Variants in DAPK1 observed in about 807,000 individuals in gnomAD.
DAPK1 encodes death associated protein kinase 1.
Under a neutral mutation model 144.9 loss-of-function variants are expected in DAPK1, and 56 were observed. That is an observed-to-expected ratio of 0.39 (90% confidence interval 0.31 to 0.48). The LOEUF is 0.48. Among genes scored for constraint, DAPK1 ranks in the 20% least tolerant of loss-of-function variants. The pLI is 0.95. For missense variants in DAPK1, 1,454 were observed against 1,875.4 expected (o/e 0.78, Z 4.15); for synonymous variants, 690 against 749.0 (o/e 0.92, Z 1.29).
chr9:87,678,037 A>G (rs1364692805), intron 19 of DAPK1, among the ~76,000 whole-genome samples: 1 of 152,140 alleles, frequency 6.6e-6, no homozygotes, highest in African/African-American at 2.4e-5. Flanking sequence ...GGACATTGCT[A>G]TCAAGACCCC....
intron 2 of DAPK1, among the ~76,000 whole-genome samples, chr9:87,589,312 C>T (rs1194597402): frequency 6.6e-6 from 1 of 152,068 alleles, no homozygotes; most frequent in African/African-American, 2.4e-5. Flanking sequence ...GTCTAACTTC[C>T]CTCACCACCT....
intron 4 of DAPK1, 127 bp from the exon 5 acceptor site, chr9:87,639,227 C>T: frequency 1.1e-6 from 1 of 871,834 alleles, no homozygotes; most frequent in Non-Finnish European, 1.7e-6. Flanking sequence ...CTGCTGTTCT[C>T]TTCCAACCAC....
intron 3 of DAPK1, among the ~76,000 whole-genome samples, chr9:87,623,539 G>A (rs1467509879): frequency 2.6e-5 from 4 of 152,062 alleles, no homozygotes; most frequent in East Asian, 3.9e-4. Context: ...GCGACAGTCC[G>A]TCCCCATCAT....
intron 2 of DAPK1, among the ~76,000 whole-genome samples, chr9:87,534,844 C>T (rs1040596837): frequency 6.6e-6 from 1 of 152,020 alleles, no homozygotes; most frequent in African/African-American, 2.4e-5. Context: ...GGGGTTTTGC[C>T]ATGTTGGCCA....
At chr9:87,502,451 C>T (rs564364760) in intron 2 of DAPK1, among the ~76,000 whole-genome samples, 1 of 152,240 alleles carries the variant, frequency 6.6e-6, no homozygotes, top group African/African-American at 2.4e-5. Flanking sequence ...TGTTTTAATG[C>T]CCCAGGATGC....
chr9:87,614,627 G>A (rs17480679), intron 3 of DAPK1, among the ~76,000 whole-genome samples: 4,730 of 152,238 alleles, frequency 0.031, 106 homozygotes, highest in Non-Finnish European at 0.051. Flanking sequence ...CACATCAAGC[G>A]GGTGTAATGG....
At chr9:87,660,227 G>A (rs537705027) in intron 18 of DAPK1, among the ~76,000 whole-genome samples, 16 of 152,100 alleles carry the variant, frequency 1.1e-4, no homozygotes, top group South Asian at 2.1e-4. Context: ...TGGTGGGCCC[G>A]GCCTTCCCCG....
At chr9:87,638,963 G>A (rs1829993781) in intron 4 of DAPK1, among the ~76,000 whole-genome samples, 1 of 152,358 alleles carries the variant, frequency 6.6e-6, no homozygotes, top group East Asian at 1.9e-4. Flanking sequence ...CAGCCATGGA[G>A]GATGGAGAAA....
intron 2 of DAPK1, among the ~76,000 whole-genome samples, chr9:87,520,888 CTA>C (rs1438954210): frequency 6.6e-6 from 1 of 152,152 alleles, no homozygotes; most frequent in Admixed American, 6.5e-5. Context: ...TAATAACAAA[CTA>C]TGTGCACTCT....
intron 17 of DAPK1, among the ~76,000 whole-genome samples, chr9:87,655,227 C>T (rs1379012093): frequency 6.6e-6 from 1 of 152,196 alleles, no homozygotes; most frequent in Non-Finnish European, 1.5e-5. Context: ...GCTGGTTCCA[C>T]ACAAGCTCTG....
chr9:87,559,524 C>T (rs1306068214), intron 2 of DAPK1, among the ~76,000 whole-genome samples: 1 of 152,144 alleles, frequency 6.6e-6, no homozygotes, highest in Non-Finnish European at 1.5e-5. Flanking sequence ...TTCACTAGCA[C>T]CGTGACTAGT....
intron 21 of DAPK1, among the ~76,000 whole-genome samples, chr9:87,688,330 C>T (rs1824939917): frequency 6.6e-6 from 1 of 152,086 alleles, no homozygotes; most frequent in African/African-American, 2.4e-5. Context: ...TTGTCTTTAT[C>T]CAGTCTGCCA....
At chr9:87,705,917 T>A (rs1042496665) in intron 25 of DAPK1, among the ~76,000 whole-genome samples, 1 of 152,292 alleles carries the variant, frequency 6.6e-6, no homozygotes, top group African/African-American at 2.4e-5. Flanking sequence ...TCAGGGGAGT[T>A]GTTTTTCAGA....
chr9:87,648,628 C>G (rs1587808643), intron 14 of DAPK1, 153 bp from the exon 15 acceptor site: 1 of 634,076 alleles, frequency 1.6e-6, no homozygotes, highest in South Asian at 1.9e-5. Context: ...GGTCCCCATC[C>G]TAGCCACTAT....
intron 22 of DAPK1, 51 bp downstream of exon 22, chr9:87,697,255 A>G (rs1223114931): frequency 2.4e-6 from 2 of 830,944 alleles, no homozygotes; most frequent in South Asian, 2.8e-5. Flanking sequence ...GTTGGCCAGG[A>G]ATCGCCTCCT....
chr9:87,552,375 A>G (rs1320524615), intron 2 of DAPK1, among the ~76,000 whole-genome samples: 1 of 152,176 alleles, frequency 6.6e-6, no homozygotes, highest in Non-Finnish European at 1.5e-5. Flanking sequence ...TGCAGCTGGA[A>G]GGAGTGTGCC....
chr9:87,550,755 T>C (rs1826447630), intron 2 of DAPK1, among the ~76,000 whole-genome samples: 1 of 151,804 alleles, frequency 6.6e-6, no homozygotes, highest in Non-Finnish European at 1.5e-5. Flanking sequence ...GGTTGTTTTA[T>C]GTACCAGTGG....
intron 2 of DAPK1, among the ~76,000 whole-genome samples, chr9:87,545,054 T>A (rs1191489490): frequency 6.6e-6 from 1 of 152,210 alleles, no homozygotes; most frequent in Non-Finnish European, 1.5e-5. Context: ...ATTTGATGGA[T>A]GGCTTTTCAA....
intron 16 of DAPK1, chr9:87,650,359 A>G (rs1830402979): frequency 2.1e-6 from 1 of 484,284 alleles, no homozygotes; most frequent in African/African-American, 1.9e-5. Flanking sequence ...GTCTCTAAAT[A>G]ATTTTTAGCT....
Sources: gnomAD v4.1 joint callset for allele counts (sites outside exome capture counted in the v4.1 genomes callset) on GRCh38, gnomAD v4.1.1 for gene constraint, MANE v1.5 for transcripts, NCBI Gene and HGNC (gene_info 2026-07-23, HGNC 2026-07-21) for gene names.